Variants in TENM3 observed in about 807,000 individuals in gnomAD.
TENM3 encodes the protein teneurin-3.
In TENM3, 63 loss-of-function variants were observed where a neutral mutation model predicts 255.1. The observed-to-expected ratio is 0.25, with a 90% confidence interval of 0.20 to 0.30. The LOEUF is 0.30. Ranked by LOEUF, TENM3 falls within the 10% of genes least tolerant of loss-of-function variation. The pLI, the probability that TENM3 is intolerant of heterozygous loss-of-function variation, is 1.00. For synonymous variants in TENM3, 1,306 were observed against 1,322.3 expected, an observed-to-expected ratio of 0.99 and a Z score of 0.27; for missense variants, 2,929 against 3,461.1, an observed-to-expected ratio of 0.85 and a Z score of 3.86.
chr4:181,839,281 AGTT>A, the TENM3 span, among the ~76,000 whole-genome samples: 6 of 145,882 alleles, frequency 4.1e-5, no homozygotes, highest in African/African-American at 1.2e-4. Context: ...CCAGACTTAT[AGTT>A]GTTAGCTTTT....
chr4:181,675,990 T>G, the TENM3 span, among the ~76,000 whole-genome samples: 2 of 152,116 alleles, frequency 1.3e-5, no homozygotes, highest in Non-Finnish European at 2.9e-5. Context: ...AAATCAAGTT[T>G]CTTCCTCTAC....
the TENM3 span, among the ~76,000 whole-genome samples, chr4:181,667,084 G>T: frequency 6.6e-6 from 1 of 152,064 alleles, no homozygotes; most frequent in African/African-American, 2.4e-5. Flanking sequence ...TTTTTGTACA[G>T]AATTATAGCT....
intron 1 of TENM3, among the ~76,000 whole-genome samples, chr4:182,237,381 T>C (rs2150046221): frequency 6.6e-6 from 1 of 152,070 alleles, no homozygotes; most frequent in African/African-American, 2.4e-5. Flanking sequence ...TTTTCTTTTT[T>C]TTGAAACGGA....
At chr4:182,431,812 T>C (rs1215403339) in intron 3 of TENM3, among the ~76,000 whole-genome samples, 3 of 151,908 alleles carry the variant, frequency 2.0e-5, no homozygotes, top group Non-Finnish European at 2.9e-5. Context: ...CATAGTGGTT[T>C]ACACCTGTAA....
intron 22 of TENM3, among the ~76,000 whole-genome samples, chr4:182,755,889 ATACAAGATGTAGGGCC>A (rs1005519408): frequency 1.1e-3 from 160 of 152,266 alleles, no homozygotes; most frequent in African/African-American, 3.5e-3. Context: ...AAATTGCAAG[ATACAAGATGTAGGGCC>A]TTGGAAAGGG....
At chr4:182,794,360 G>A (rs984168695) in intron 26 of TENM3, among the ~76,000 whole-genome samples, 4 of 152,128 alleles carry the variant, frequency 2.6e-5, no homozygotes, top group South Asian at 2.1e-4. Flanking sequence ...ACTACCTTAC[G>A]AATGTGTCAT....
the TENM3 span, among the ~76,000 whole-genome samples, chr4:181,980,572 T>C: frequency 6.6e-6 from 1 of 152,204 alleles, no homozygotes; most frequent in Non-Finnish European, 1.5e-5. Flanking sequence ...ATTGGACCAA[T>C]CAACTTACTC....
chr4:182,125,928 A>G, the TENM3 span, among the ~76,000 whole-genome samples: 1 of 152,158 alleles, frequency 6.6e-6, no homozygotes, highest in Non-Finnish European at 1.5e-5. Flanking sequence ...TGTCTAAAAT[A>G]CATATTTAAA....
the TENM3 span, among the ~76,000 whole-genome samples, chr4:181,812,035 G>T: frequency 2.6e-5 from 4 of 152,164 alleles, no homozygotes; most frequent in Admixed American, 2.0e-4. Context: ...TATCTGGCTG[G>T]AGTTAACACA....
the TENM3 span, among the ~76,000 whole-genome samples, chr4:181,958,463 C>A: frequency 6.6e-6 from 1 of 152,124 alleles, no homozygotes; most frequent in African/African-American, 2.4e-5. Context: ...GTAACTGTGT[C>A]AATAATACAG....
the TENM3 span, among the ~76,000 whole-genome samples, chr4:181,531,898 C>T: frequency 1.8e-4 from 27 of 152,248 alleles, no homozygotes; most frequent in Non-Finnish European, 2.9e-4. Context: ...TGGGAGGTAC[C>T]GTGCACTTAG....
At chr4:182,514,477 C>T (rs1168292770) in intron 3 of TENM3, among the ~76,000 whole-genome samples, 2 of 152,044 alleles carry the variant, frequency 1.3e-5, no homozygotes, top group African/African-American at 4.8e-5. Context: ...ATCTAGTGAG[C>T]AGTTATGAAG....
chr4:181,613,164 G>C, the TENM3 span, among the ~76,000 whole-genome samples: 964 of 152,318 alleles, frequency 6.3e-3, 12 homozygotes, highest in African/African-American at 0.022. Flanking sequence ...AAGTTCAAAA[G>C]ACAGAAGTTA....
the TENM3 span, among the ~76,000 whole-genome samples, chr4:181,878,857 G>T: frequency 6.6e-6 from 1 of 151,860 alleles, no homozygotes; most frequent in South Asian, 2.1e-4. Flanking sequence ...CTATCTTTCT[G>T]TCTATCTATC....
the TENM3 span, among the ~76,000 whole-genome samples, chr4:181,799,313 A>T: frequency 6.6e-6 from 1 of 152,240 alleles, no homozygotes; most frequent in Middle Eastern, 3.2e-3. Flanking sequence ...AGCAGTTTGC[A>T]GTAAATGTGA....
At chr4:182,045,013 T>G in the TENM3 span, among the ~76,000 whole-genome samples, 1 of 152,240 alleles carries the variant, frequency 6.6e-6, no homozygotes, top group Non-Finnish European at 1.5e-5. Context: ...TTTGTTGTCT[T>G]GTAGAACAAA....
chr4:182,609,731 A>C (rs1170022219), intron 4 of TENM3, among the ~76,000 whole-genome samples: 1 of 152,188 alleles, frequency 6.6e-6, no homozygotes, highest in African/African-American at 2.4e-5. Context: ...TCAACATCCT[A>C]CTAGCTGTGT....
chr4:181,763,923 G>A, the TENM3 span, among the ~76,000 whole-genome samples: 1 of 152,150 alleles, frequency 6.6e-6, no homozygotes, highest in Admixed American at 6.5e-5. Flanking sequence ...TGGCAGAACT[G>A]TTATAGATCA....
the TENM3 span, among the ~76,000 whole-genome samples, chr4:181,856,181 G>A: frequency 6.6e-6 from 1 of 151,240 alleles, no homozygotes; most frequent in Non-Finnish European, 1.5e-5. Flanking sequence ...GGAAAGGGAA[G>A]GAAGGGAGGG....
Sources: gnomAD v4.1 joint callset for allele counts (sites outside exome capture counted in the v4.1 genomes callset) on GRCh38, gnomAD v4.1.1 for gene constraint, MANE v1.5 for transcripts, NCBI Gene and HGNC (gene_info 2026-07-23, HGNC 2026-07-21) for gene names.